Variants in MPDZ observed in about 807,000 individuals in gnomAD.
MPDZ encodes multiple PDZ domain crumbs cell polarity complex component.
MPDZ carries 234 observed loss-of-function variants against 239.1 expected under a neutral mutation model. The ratio of observed to expected loss-of-function variants is 0.98; its 90% CI spans 0.88 to 1.09. The LOEUF is 1.09. MPDZ is among the 50% of genes least tolerant of loss of function. The pLI is 0.00. For missense variants in MPDZ, 3,175 were observed against 2,510.0 expected, an observed-to-expected ratio of 1.26 and a Z score of -5.66; for synonymous variants, 1,048 against 881.3, an observed-to-expected ratio of 1.19 and a Z score of -3.35.
At chr9:13,228,515 A>T (rs1341273432) in intron 3 of MPDZ, among the ~76,000 whole-genome samples, 1 of 152,108 alleles carries the variant, frequency 6.6e-6, no homozygotes, top group African/African-American at 2.4e-5. Flanking sequence ...AAAAATATGT[A>T]CCTTATTTTA....
intron 3 of MPDZ, among the ~76,000 whole-genome samples, chr9:13,229,200 CAAAT>C (rs1374835200): frequency 6.6e-6 from 1 of 151,830 alleles, no homozygotes; most frequent in Admixed American, 6.6e-5. Context: ...CTGTTAAAAA[CAAAT>C]AAATAAACCA....
At chr9:13,153,126 T>G (rs146541683) in intron 24 of MPDZ, among the ~76,000 whole-genome samples, 1 of 152,090 alleles carries the variant, frequency 6.6e-6, no homozygotes, top group African/African-American at 2.4e-5. Context: ...AAGGTTGAAG[T>G]AAGGAATCCT....
At chr9:13,197,326 G>T (rs1955776799) in intron 12 of MPDZ, among the ~76,000 whole-genome samples, 1 of 151,976 alleles carries the variant, frequency 6.6e-6, no homozygotes, top group Admixed American at 6.6e-5. Context: ...TAAATTAGAT[G>T]GGGGGTCTTG....
In MPDZ at chr9:13,193,317, A is replaced by G. The variant is rs1275240694; in HGVS notation, c.1657-4T>C. On this transcript the variant is annotated splice_polypyrimidine_tract_variant and splice_region_variant and intron_variant, in intron 13 of 46. Transcript: ENST00000319217. Reference sequence around the variant, plus strand: ...TAAACTTGCTCACATGGGCCACCTGAAAAGAAAAAAAAAAAGATCACCACA... The same window carrying G: ...TAAACTTGCTCACATGGGCCACCTGGAAAGAAAAAAAAAAAGATCACCACA... 2 of 1,579,008 alleles carry G rather than the reference A, an allele frequency of 1.3e-6. No homozygotes were observed. Among genetic ancestry groups the G allele is most frequent in the African/African-American group, 2.7e-5 (2 of 72,966 alleles).
intron 32 of MPDZ, among the ~76,000 whole-genome samples, chr9:13,131,287 T>A (rs1945963962): frequency 6.6e-6 from 1 of 152,130 alleles, no homozygotes; most frequent in Non-Finnish European, 1.5e-5. Context: ...TGTTCAAGGA[T>A]ATATTCTATG....
chr9:13,115,100 G>C (rs1024155777), intron 40 of MPDZ, 148 bp downstream of exon 40: 3 of 613,604 alleles, frequency 4.9e-6, no homozygotes, highest in Non-Finnish European at 8.7e-6. Context: ...CTGATTCCTT[G>C]TTCTTCTCTG....
chr9:13,267,400 A>G (rs758864946), intron 1 of MPDZ, among the ~76,000 whole-genome samples: 3 of 152,166 alleles, frequency 2.0e-5, no homozygotes, highest in African/African-American at 7.2e-5. Context: ...AAGAAAATTG[A>G]GGTTCAGAAA....
At chr9:13,202,647 C>T (rs746583058) in intron 12 of MPDZ, among the ~76,000 whole-genome samples, 6 of 152,182 alleles carry the variant, frequency 3.9e-5, no homozygotes, top group Non-Finnish European at 8.8e-5. Context: ...GGTGGATTTC[C>T]AGTGAAAGAT....
rs1253163375 is a variant in MPDZ at position 13,140,140 on chromosome 9, G to T, written c.3850C>A (p.Gln1284Lys). 1 of 1,613,140 alleles carries T rather than the reference G, an allele frequency of 6.2e-7. No individual in the cohort carries two copies. Among genetic ancestry groups the T allele is most frequent in the East Asian group, 2.2e-5 (1 of 44,710 alleles). ...GCCTTCTCTGGCTCTGACTCTGACT[G>T]ACTGGGTGCCTGTGGGAACAAAAAG... is the stretch of plus-strand genomic sequence containing the variant. Reference protein sequence around the residue: ...LQINADKAPSQSESEPEKAPL... With the variant: ...LQINADKAPSKSESEPEKAPL... The change falls in exon 28 of 47, where the codon CAG becomes AAG. Residue 1284 changes from glutamine (Q) to lysine (K), a missense_variant. By Grantham distance (53) the Gln-to-Lys change is moderately conservative (BLOSUM62 1). Transcript: ENST00000319217.
chr9:13,119,521 G>A lies in MPDZ; in HGVS notation c.5360C>T (p.Ala1787Val), dbSNP rs772107315. 4.2e-5 allele frequency: 68 copies of A among 1,611,064 alleles called. No individual in the cohort carries two copies. Among genetic ancestry groups the A allele is most frequent in the Non-Finnish European group, 5.2e-5 (61 of 1,178,782 alleles). The change falls in exon 39 of 47, where the codon GCG (alanine) becomes GTG (valine). Residue 1787 changes from alanine to valine, a missense_variant. Transcript: ENST00000319217. Reference sequence around the variant, plus strand: ...TTTTACCTTTAGCAAAGCGGCAACCGCTTCTTGGGTGGCATTACGAACGTC... The same window carrying A: ...TTTTACCTTTAGCAAAGCGGCAACCACTTCTTGGGTGGCATTACGAACGTC... ...GEDVRNATQE[A>V]VAALLKCSLG...
chr9:13,182,811 G>C (rs1953536609), intron 19 of MPDZ, among the ~76,000 whole-genome samples: 1 of 151,920 alleles, frequency 6.6e-6, no homozygotes, highest in Non-Finnish European at 1.5e-5. Context: ...AATAGAGTTG[G>C]GGCATTTATG....
rs189386192 is a variant in MPDZ at position 13,223,553 on chromosome 9, A to C, written c.533+18T>G. On this transcript the variant is annotated intron_variant, in intron 5 of 46. Coordinates refer to ENST00000319217, the MANE Select transcript of MPDZ (RefSeq NM_001378778.1). ...GAATGTGGGATCAAAAACAAAGAAG[A>C]CGCCGCGACCATCTCACCTATGGGC... 5.3e-5 allele frequency: 84 copies of C among 1,583,136 alleles called. No individual in the cohort carries two copies. The African/African-American group carries it at 7.2e-4, about 14-fold the overall frequency.
At chr9:13,215,440 T>G (rs930820178) in intron 10 of MPDZ, among the ~76,000 whole-genome samples, 1 of 149,254 alleles carries the variant, frequency 6.7e-6, no homozygotes. Flanking sequence ...GTATATATGA[T>G]ATATATATAT....
At chr9:13,209,060 A>G (rs914843819) in intron 10 of MPDZ, among the ~76,000 whole-genome samples, 1 of 152,158 alleles carries the variant, frequency 6.6e-6, no homozygotes, top group African/African-American at 2.4e-5. Flanking sequence ...GGCCAACTGA[A>G]TCTCTGTATG....
intron 15 of MPDZ, among the ~76,000 whole-genome samples, chr9:13,190,504 C>A (rs975672548): frequency 4.6e-5 from 7 of 152,140 alleles, no homozygotes; most frequent in African/African-American, 1.7e-4. Flanking sequence ...TAAGTTTTAA[C>A]AAACATTAAA....
intron 5 of MPDZ, 49 bp from the exon 6 acceptor site, chr9:13,222,495 G>A (rs752347206): frequency 2.4e-5 from 34 of 1,416,004 alleles, no homozygotes; most frequent in Non-Finnish European, 3.4e-5. Flanking sequence ...AGTTCTCAAG[G>A]AAATGACAGC....
intron 26 of MPDZ, among the ~76,000 whole-genome samples, chr9:13,147,134 T>C (rs189477756): frequency 2.0e-5 from 3 of 152,012 alleles, no homozygotes; most frequent in Admixed American, 1.3e-4. Flanking sequence ...ATTGCATAAG[T>C]AGGAGATTCT....
rs371301979 is a variant in MPDZ at position 13,110,042 on chromosome 9, C to G, written c.5852G>C (p.Ser1951Thr). Residue 1951 changes from serine (S) to threonine (T), a missense_variant, in exon 45 of 47, where the codon AGT becomes ACT. Coordinates refer to ENST00000319217, the MANE Select transcript of MPDZ (RefSeq NM_001378778.1). ...EMQVVAGGDV[S>T]VVTGHQQEPA... Reference sequence around the variant, plus strand: ...CTCCTGCTGATGACCTGTGACCACACTCACGTCTCCTCCAGCAACCACCTG... The same window carrying G: ...CTCCTGCTGATGACCTGTGACCACAGTCACGTCTCCTCCAGCAACCACCTG... 2.5e-5 allele frequency: 40 copies of G among 1,612,978 alleles called. No homozygotes were observed. The highest frequency in any genetic ancestry group is 5.0e-5 in the Admixed American group (3 of 59,880).
At chr9:13,236,267 A>ATATATATATT (rs1963997255) in intron 3 of MPDZ, among the ~76,000 whole-genome samples, 1 of 20,096 alleles carries the variant, frequency 5.0e-5, no homozygotes, top group African/African-American at 1.8e-4. Flanking sequence ...ATATATATAT[A>ATATATATATT]TTTTTTTTTT....
Sources: gnomAD v4.1 joint callset for allele counts (sites outside exome capture counted in the v4.1 genomes callset) on GRCh38, gnomAD v4.1.1 for gene constraint, MANE v1.5 for transcripts, NCBI Gene and HGNC (gene_info 2026-07-23, HGNC 2026-07-21) for gene names.